ARHGAP45: variants seen among roughly 807,000 people sequenced by gnomAD.
ARHGAP45 encodes the protein rho GTPase-activating protein 45.
In ARHGAP45, 56 loss-of-function variants were observed where a neutral mutation model predicts 116.1. That is an observed-to-expected ratio of 0.48 (90% CI 0.39 to 0.60). ARHGAP45 has a LOEUF of 0.60. Among genes scored for constraint, ARHGAP45 ranks in the 20% least tolerant of loss-of-function variants. ARHGAP45 has a pLI of 0.00. For synonymous variants in ARHGAP45, 866 were observed against 701.7 expected, an observed-to-expected ratio of 1.23 and a Z score of -3.70; for missense variants, 1,622 against 1,601.0, an observed-to-expected ratio of 1.01 and a Z score of -0.22.
In ARHGAP45 at chr19:1,074,414, G is replaced by T. The variant is rs759446297; in HGVS notation, c.993+7G>T. On this transcript the variant is annotated splice_region_variant and intron_variant, in intron 8 of 22. Transcript: ENST00000313093. ...ACAGAGCGTCATGCAGGAGGTGGGG[G>T]CCCCGCGGGCACGGGGCGGGGGTCC... 2.6e-6 allele frequency: 4 copies of T among 1,538,268 alleles called. No individual in the cohort carries two copies. Among genetic ancestry groups the T allele is most frequent in the Admixed American group, 4.1e-5 (2 of 48,886 alleles).
In ARHGAP45 at chr19:1,083,865, C is replaced by T. The variant is rs551957081; in HGVS notation, c.2956-373C>T. 3.5e-4 allele frequency among the ~76,000 whole-genome samples: 54 copies of T among 152,316 alleles called. 2 individuals carry two copies. Among genetic ancestry groups the T allele is most frequent in the South Asian group, 1.9e-3 (9 of 4,830 alleles). The stretch of plus-strand genomic sequence containing the variant: ...AAGCGATTCTCCTGCCTCAGTCTCC[C>T]GCGTAGCTGGGACTACAGGCGCCGG... On this transcript the variant is annotated intron_variant, in intron 21 of 22. Coordinates refer to ENST00000313093, the MANE Select transcript of ARHGAP45 (RefSeq NM_012292.5).
At chr19:1,084,042 G>A (rs571348446) in intron 21 of ARHGAP45, among the ~76,000 whole-genome samples, 196 bp from the exon 22 acceptor site, 3 of 152,198 alleles carry the variant, frequency 2.0e-5, no homozygotes, top group South Asian at 2.1e-4. Context: ...TGCACGCGGC[G>A]TCTCGTATTC....
Position 1,067,261 on chromosome 19 carries a change from C to A in ARHGAP45, c.-145C>A. 1 of 1,389,112 alleles carries A rather than the reference C, an allele frequency of 7.2e-7. No individual in the cohort carries two copies. Among genetic ancestry groups the A allele is most frequent in the Non-Finnish European group, 9.3e-7 (1 of 1,073,868 alleles). The allele number at this position is 1,389,112 out of a possible 1,614,324, so 86.0% of individuals were successfully genotyped here. On this transcript the variant is annotated 5_prime_UTR_variant, in exon 1 of 23. Transcript: ENST00000313093. ...CTTTTCCTGTTGGGGGGAGGGCCCG[C>A]CAGTGACGGCCGGGCCTGTCACGTG...
rs1292120652 is a variant in ARHGAP45, at chr19:1,082,803, G to T, written c.2518-37G>T. Reference sequence around the variant, plus strand: ...GCAGGCACACGTGGGGGCTGGGCCAGGCCCACCAACACCTGCTGACCCTTG... The same window carrying T: ...GCAGGCACACGTGGGGGCTGGGCCATGCCCACCAACACCTGCTGACCCTTG... On this transcript the variant is annotated intron_variant, in intron 19 of 22. Coordinates refer to ENST00000313093, the MANE Select transcript of ARHGAP45 (RefSeq NM_012292.5). The T allele has an allele frequency of 3.4e-6, 5 of 1,450,898 alleles. No homozygotes were observed. The African/African-American group carries it at 5.7e-5, about 17-fold the overall frequency. The allele number at this position is 1,450,898 out of a possible 1,614,324, so 89.9% of individuals were successfully genotyped here.
rs5826720 is a variant in ARHGAP45, at chr19:1,069,816, C to CTTT, written c.421+1088_421+1090dup. On this transcript the variant is annotated intron_variant, in intron 2 of 22. Coordinates refer to ENST00000313093, the MANE Select transcript of ARHGAP45 (RefSeq NM_012292.5). The surrounding 1 kb of genome is among the most constrained non-coding windows in gnomAD (Gnocchi z 4.1). The stretch of plus-strand genomic sequence containing the variant: ...GAACTGGGCCAGCCAGGGTGGGGCA[C>CTTT]TTTTTTTTTTTTTTTTTTGATACAG... Among the ~76,000 whole-genome samples the CTTT allele has an allele frequency of 2.4e-3, 312 of 132,128 alleles. 4 individuals are homozygous for CTTT. Among genetic ancestry groups the CTTT allele is most frequent in the Admixed American group, 5.8e-3 (77 of 13,196 alleles). 86.7% of individuals were successfully genotyped at this position (132,128 alleles called of 152,430 possible). A position where few individuals can be genotyped will look rare whatever the true frequency, so the allele number is the denominator to read the frequency against.
At chr19:1,067,664 T>C in intron 1 of ARHGAP45, 169 bp downstream of exon 1, 1 of 738,672 alleles carries the variant, frequency 1.4e-6, no homozygotes, top group Non-Finnish European at 2.4e-6. Flanking sequence ...GACCCCGGCA[T>C]TCAGCTCACG....
rs775878343 is a variant in ARHGAP45 at position 1,086,058 on chromosome 19, C to A, written c.*52C>A. 1 of 1,478,182 alleles carries A rather than the reference C, an allele frequency of 6.8e-7. No homozygotes were observed. The allele number at this position is 1,478,182 out of a possible 1,614,324, so 91.6% of individuals were successfully genotyped here. A position where few individuals can be genotyped will look rare whatever the true frequency, so the allele number is the denominator to read the frequency against. On this transcript the variant is annotated 3_prime_UTR_variant, in exon 23 of 23. Transcript: ENST00000313093. ...GGCTTCTCTCTTGCCTGCTCCTGTC[C>A]CTCCAGCACGTCCCCTGCACCACGG...
At position 1,080,731 on chromosome 19, in the gene ARHGAP45, C is replaced by T. The variant is rs2043408483; in HGVS notation, c.1962C>T (p.Ser654=). 6.2e-7 allele frequency: 1 copy of T among 1,613,468 alleles called. No individual in the cohort carries two copies. Among genetic ancestry groups the T allele is most frequent in the African/African-American group, 1.3e-5 (1 of 74,932 alleles). ...CGTCATCCAGTGGTACCATGTCGTC[C>T]ACGGAGGAGCTGGTGGACCCAGACG... ...ERTSSSGTMS[S]TEELVDPDGG... The change falls in exon 16 of 23, where the codon TCC becomes TCT. Residue 654 remains serine (S), a synonymous_variant. Coordinates refer to ENST00000313093, the MANE Select transcript of ARHGAP45 (RefSeq NM_012292.5).
At chr19:1,077,163 C>G in intron 10 of ARHGAP45, 5 of 985,382 alleles carry the variant, frequency 5.1e-6, no homozygotes, top group Non-Finnish European at 6.0e-6. Flanking sequence ...GGCTTCCTGC[C>G]TGGGCGGCTT....
At chr19:1,083,655 C>T (rs1017457211) in intron 21 of ARHGAP45, among the ~76,000 whole-genome samples, 1 of 152,208 alleles carries the variant, frequency 6.6e-6, no homozygotes, top group Non-Finnish European at 1.5e-5. Context: ...CCGGTGCTGC[C>T]TGCAGCCACA....
intron 21 of ARHGAP45, among the ~76,000 whole-genome samples, chr19:1,083,680 C>T (rs1313959992): frequency 6.6e-6 from 1 of 152,174 alleles, no homozygotes; most frequent in Non-Finnish European, 1.5e-5. Flanking sequence ...CCACGCTGGC[C>T]CGGTGTCCAC....
rs2043504227 is a variant in ARHGAP45, at chr19:1,083,370, G to A, written c.2955+17G>A. The A allele has an allele frequency of 3.9e-6, 6 of 1,537,586 alleles. No individual in the cohort carries two copies. In the South Asian group the frequency reaches 4.8e-5, roughly 12 times the overall value. ...GGGGGCCAGGTGAGGGTGTGGGCCT[G>A]ACCGGGGCTGGCCACTCGGGGCTTG... On this transcript the variant is annotated intron_variant, in intron 21 of 22. Transcript: ENST00000313093.
In ARHGAP45 at chr19:1,086,058, C is replaced by T. The variant is rs775878343; in HGVS notation, c.*52C>T. The T allele has an allele frequency of 8.8e-6, 13 of 1,478,066 alleles. No individual in the cohort carries two copies. Among genetic ancestry groups the T allele is most frequent in the African/African-American group, 5.5e-5 (4 of 72,578 alleles). The allele number at this position is 1,478,066 out of a possible 1,614,324, so 91.6% of individuals were successfully genotyped here. ...GGCTTCTCTCTTGCCTGCTCCTGTC[C>T]CTCCAGCACGTCCCCTGCACCACGG... On this transcript the variant is annotated 3_prime_UTR_variant, in exon 23 of 23. Coordinates refer to ENST00000313093, the MANE Select transcript of ARHGAP45 (RefSeq NM_012292.5).
intron 10 of ARHGAP45, among the ~76,000 whole-genome samples, chr19:1,075,357 G>A (rs867656350): frequency 1.3e-5 from 2 of 148,240 alleles, no homozygotes; most frequent in Middle Eastern, 3.4e-3. Flanking sequence ...CAATTCTCCT[G>A]TCGCAGCGTC....
At chr19:1,085,551 CTCTCTCCCCCCTCTCCTG>C (rs1273223340) in intron 22 of ARHGAP45, 91 bp from the exon 23 acceptor site, 23 of 543,068 alleles carry the variant, frequency 4.2e-5, no homozygotes, top group East Asian at 3.4e-4. Flanking sequence ...GTCTCTCCAT[CTCTCTCCCCCCTCTCCTG>C]TCTCTCCCCA....
rs980703708 is a variant in ARHGAP45 at position 1,085,971 on chromosome 19, G to A, written c.3376G>A (p.Gly1126Ser). The A allele has an allele frequency of 7.4e-6, 12 of 1,612,644 alleles. No individual in the cohort carries two copies. Among genetic ancestry groups the A allele is most frequent in the Non-Finnish European group, 1.0e-5 (12 of 1,179,888 alleles). ...MRLRGGRMTL[G>S]SCRERQPEFV ...GCTCCGTGGCGGGCGGATGACACTG[G>A]GCTCCTGCAGGGAAAGGCAGCCGGA... Residue 1126 changes from glycine (G) to serine (S), a missense_variant, in exon 23 of 23, where the codon GGC becomes AGC. By Grantham distance (56) the Gly-to-Ser change is moderately conservative. Transcript: ENST00000313093.
Position 1,082,864 on chromosome 19 carries a change from C to T in ARHGAP45, c.2542C>T (p.Arg848Cys), listed in dbSNP as rs2043482070. The T allele has an allele frequency of 6.4e-6, 10 of 1,555,100 alleles. No homozygotes were observed. Among genetic ancestry groups the T allele is most frequent in the South Asian group, 1.2e-5 (1 of 83,000 alleles). Residue 848 changes from arginine (R) to cysteine (C), a missense_variant, in exon 20 of 23, where the codon CGC becomes TGC. By Grantham distance (180) the Arg-to-Cys change is radical. Around this residue, in one of 3 missense-constraint regions of ARHGAP45, gnomAD observed 1,334 missense variants for 1,263.8 expected, o/e 1.06. Coordinates refer to ENST00000313093, the MANE Select transcript of ARHGAP45 (RefSeq NM_012292.5). ...GCTTCCCGAGCCGCTCATCTCCTTC[C>T]GCCTCTACCACGAGCTCGTAGGGCT... ...RQLPEPLISF[R>C]LYHELVGLAK... is the part of the protein sequence containing the mutation.
chr19:1,077,230 G>T, intron 10 of ARHGAP45: 4 of 985,394 alleles, frequency 4.1e-6, no homozygotes, highest in Non-Finnish European at 4.8e-6. Context: ...AGACGCTCCC[G>T]TGGGGGCTGG....
chr19:1,079,587 C>T (rs1399256683), intron 11 of ARHGAP45, 116 bp from the exon 12 acceptor site: 1 of 1,330,532 alleles, frequency 7.5e-7, no homozygotes, highest in Non-Finnish European at 1.0e-6. Flanking sequence ...AAGTCTCCCA[C>T]TGTGGCCTCC....
Sources: allele counts gnomAD v4.1 joint callset (sites outside exome capture counted in the v4.1 genomes callset), GRCh38; gene constraint gnomAD v4.1.1; regional missense constraint gnomAD v4.1.1; non-coding constraint Gnocchi (gnomAD v3.1); transcripts MANE v1.5; gene names NCBI Gene and HGNC (gene_info 2026-07-23, HGNC 2026-07-21).